OST4: variants seen among roughly 807,000 people sequenced by gnomAD.
OST4 encodes dolichyl-diphosphooligosaccharide--protein glycosyltransferase subunit 4.
OST4 carries 3 observed loss-of-function variants against 2.1 expected under a neutral mutation model. The observed-to-expected ratio is 1.42, with a 90% CI of 0.65 to 3.67. OST4 has a LOEUF of 3.67. OST4 is among the 30% of genes most tolerant of loss of function. The pLI is 0.03. For synonymous variants in OST4, 23 were observed against 21.6 expected, an observed-to-expected ratio of 1.06 and a Z score of -0.18; for missense variants, 52 against 47.1, an observed-to-expected ratio of 1.10 and a Z score of -0.30.
At position 27,070,509 on chromosome 2, in the gene OST4, G is replaced by C. The variant is rs991361680; in HGVS notation, c.*236C>G. Reference sequence around the variant, plus strand: ...AAAAAAAAGTCTATATTTTTATATTGGGGGGAGGGAGTAGAAAAGCAAGCC... The same window carrying C: ...AAAAAAAAGTCTATATTTTTATATTCGGGGGAGGGAGTAGAAAAGCAAGCC... On this transcript the variant is annotated 3_prime_UTR_variant, in exon 3 of 3. Transcript: ENST00000456793. 1.4e-5 allele frequency: 7 copies of C among 483,452 alleles called. No individual in the cohort carries two copies. Among genetic ancestry groups the C allele is most frequent in the African/African-American group, 9.6e-5 (5 of 52,130 alleles). The allele number at this position is 483,452 out of a possible 1,614,324, so 29.9% of individuals were successfully genotyped here. A position where few individuals can be genotyped will look rare whatever the true frequency, so the allele number is the denominator to read the frequency against.
At chr2:27,071,208 C>G in intron 2 of OST4, 118 bp downstream of exon 2, 2 of 663,250 alleles carry the variant, frequency 3.0e-6, no homozygotes, top group Non-Finnish European at 5.3e-6. Context: ...GGGCCCAGTT[C>G]TGGACTGTAT....
intron 1 of OST4, 55 bp downstream of exon 1, chr2:27,071,546 A>C: frequency 1.7e-5 from 16 of 954,588 alleles, no homozygotes; most frequent in Middle Eastern, 3.4e-4. Context: ...CGGGCCAGCC[A>C]CGGCCACGGC....
In OST4 at chr2:27,071,326, C is replaced by A; in HGVS notation, c.*23G>T. 6.5e-7 allele frequency: 1 copy of A among 1,541,744 alleles called. No homozygotes were observed. The highest frequency in any genetic ancestry group is 1.2e-5 in the South Asian group (1 of 83,856). On this transcript the variant is annotated splice_region_variant and 3_prime_UTR_variant, in exon 2 of 3. Transcript: ENST00000456793. ...GGGCGCTACAGCCCCGGGCCGTTAC[C>A]TGGGGCGGAGAAAGCGCCACTTTCA...
rs188799762 is a variant in OST4 at position 27,071,228 on chromosome 2, C to A, written c.*23+98G>T. 6 of 741,370 alleles carry A rather than the reference C, an allele frequency of 8.1e-6. No homozygotes were observed. In the African/African-American group the frequency reaches 8.7e-5, roughly 11 times the overall value. 45.9% of individuals were successfully genotyped at this position (741,370 alleles called of 1,614,324 possible). A position where few individuals can be genotyped will look rare whatever the true frequency, so the allele number is the denominator to read the frequency against. On this transcript the variant is annotated intron_variant, in intron 2 of 2. Coordinates refer to ENST00000456793, the MANE Select transcript of OST4 (RefSeq NM_001134693.2). ...CAGTTCTGGACTGTATCATGCTTGG[C>A]CCGACACTTTCTGATTGTAAGTTTC...
In OST4 at chr2:27,071,648, G is replaced by C; in HGVS notation, c.-49C>G. On this transcript the variant is annotated 5_prime_UTR_variant, in exon 1 of 3. Transcript: ENST00000456793. ...GACGCCACCAGCGAACAAGCCCGAAGTCAGAGACCTGGACCGGAACTTCGT... is the reference window on the plus strand; with the variant it reads ...GACGCCACCAGCGAACAAGCCCGAACTCAGAGACCTGGACCGGAACTTCGT... 1 of 509,482 alleles carries C rather than the reference G, an allele frequency of 2.0e-6. No homozygotes were observed. The highest frequency in any genetic ancestry group is 3.5e-6 in the Non-Finnish European group (1 of 289,538). 31.6% of individuals were successfully genotyped at this position (509,482 alleles called of 1,614,324 possible).
chr2:27,070,940 C>T (rs1315248370), intron 2 of OST4, among the ~76,000 whole-genome samples: 1 of 152,078 alleles, frequency 6.6e-6, no homozygotes, highest in Non-Finnish European at 1.5e-5. Flanking sequence ...ACCCCCCTCA[C>T]CAAAAAAAAT....
chr2:27,070,554 A>C lies in OST4; in HGVS notation c.*191T>G. On this transcript the variant is annotated 3_prime_UTR_variant, in exon 3 of 3. Transcript: ENST00000456793. ...CAAGCCCCTATACTGGGCCCTATTC[A>C]GTGGCAGCTTCTTGTTCCATAGGAT... The C allele has an allele frequency of 3.0e-6, 1 of 338,950 alleles. No individual in the cohort carries two copies. Among genetic ancestry groups the C allele is most frequent in the Non-Finnish European group, 5.4e-6 (1 of 184,258 alleles). The allele number at this position is 338,950 out of a possible 1,614,324, so 21.0% of individuals were successfully genotyped here.
chr2:27,071,199 G>A (rs916631920), intron 2 of OST4, 127 bp downstream of exon 2: 25 of 622,070 alleles, frequency 4.0e-5, no homozygotes, highest in Non-Finnish European at 7.1e-5. Flanking sequence ...CAGACAAAGG[G>A]GCCCAGTTCT....
chr2:27,071,522 C>T (rs1669271454), intron 1 of OST4, 59 bp from the exon 2 acceptor site: 2 of 1,408,994 alleles, frequency 1.4e-6, no homozygotes, highest in East Asian at 2.5e-5. Context: ...TCGCAAGAAC[C>T]CGTCCTCGCC....
At position 27,071,434 on chromosome 2, in the gene OST4, A is replaced by T; in HGVS notation, c.29T>A (p.Phe10Tyr). 1.3e-6 allele frequency: 2 copies of T among 1,551,668 alleles called. No homozygotes were observed. Among genetic ancestry groups the T allele is most frequent in the African/African-American group, 2.7e-5 (2 of 73,182 alleles). ...GAGCGACACGCCCAGCATGTTGGCGAAGATGGCGAGCTGCACGTCCGTGAT... is the reference window on the plus strand; with the variant it reads ...GAGCGACACGCCCAGCATGTTGGCGTAGATGGCGAGCTGCACGTCCGTGAT... MITDVQLAIFANMLGVSLFL... is the reference protein window; with the variant it reads MITDVQLAIYANMLGVSLFL... The change falls in exon 2 of 3, where the codon TTC becomes TAC. Residue 10 changes from phenylalanine (F) to tyrosine (Y), a missense_variant. Physicochemically the swap from Phe to Tyr is conservative, Grantham distance 22. Transcript: ENST00000456793.
intron 2 of OST4, among the ~76,000 whole-genome samples, 183 bp downstream of exon 2, chr2:27,071,143 G>A (rs967401399): frequency 6.6e-6 from 1 of 152,204 alleles, no homozygotes; most frequent in African/African-American, 2.4e-5. Flanking sequence ...TTCTAGCAGG[G>A]AACAGGTTAC....
rs1669265951 is a variant in OST4 at position 27,071,342 on chromosome 2, G to T, written c.*7C>A. On this transcript the variant is annotated 3_prime_UTR_variant, in exon 2 of 3. Coordinates refer to ENST00000456793, the MANE Select transcript of OST4 (RefSeq NM_001134693.2). The stretch of plus-strand genomic sequence containing the variant: ...GGCCGTTACCTGGGGCGGAGAAAGC[G>T]CCACTTTCATTCCTGCTTCTTGGGA... The T allele has an allele frequency of 1.3e-6, 2 of 1,549,644 alleles. No homozygotes were observed. The highest frequency in any genetic ancestry group is 1.7e-6 in the Non-Finnish European group (2 of 1,145,166).
chr2:27,071,614 C>A lies in OST4; in HGVS notation c.-15G>T, dbSNP rs1364521994. On this transcript the variant is annotated 5_prime_UTR_variant, in exon 1 of 3. Coordinates refer to ENST00000456793, the MANE Select transcript of OST4 (RefSeq NM_001134693.2). ...CGTGCCTCTGACCTGACCAGTCCGG[C>A]TCGGCTCCGACGCCACCAGCGAACA... is the stretch of plus-strand genomic sequence containing the variant. 1.8e-6 allele frequency: 1 copy of A among 556,576 alleles called. No individual in the cohort carries two copies. The highest frequency in any genetic ancestry group is 3.1e-5 in the East Asian group (1 of 32,682). 34.5% of individuals were successfully genotyped at this position (556,576 alleles called of 1,614,324 possible).
intron 2 of OST4, 68 bp downstream of exon 2, chr2:27,071,258 C>T: frequency 2.1e-6 from 2 of 973,818 alleles, no homozygotes; most frequent in Non-Finnish European, 3.2e-6. Flanking sequence ...AGTTTCGAAC[C>T]CTGCTAGCCC....
intron 1 of OST4, 23 bp from the exon 2 acceptor site, chr2:27,071,486 G>C: frequency 6.5e-7 from 1 of 1,535,458 alleles, no homozygotes; most frequent in Non-Finnish European, 8.8e-7. Flanking sequence ...GAGGGGCTGA[G>C]CTGCGGGCTG....
chr2:27,071,237 T>G, intron 2 of OST4, 89 bp downstream of exon 2: 1 of 792,504 alleles, frequency 1.3e-6, no homozygotes, highest in Non-Finnish European at 2.1e-6. Flanking sequence ...GCCCGACACT[T>G]TCTGATTGTA....
At chr2:27,071,520 AC>A in intron 1 of OST4, 57 bp from the exon 2 acceptor site, 1 of 1,374,202 alleles carries the variant, frequency 7.3e-7, no homozygotes, top group Non-Finnish European at 9.9e-7. Flanking sequence ...CCTCGCAAGA[AC>A]CCGTCCTCGC....
Position 27,071,419 on chromosome 2 carries a change from C to G in OST4, c.44G>C (p.Gly15Ala). Reference sequence around the variant, plus strand: ...AACGACAAGCAAGAAGAGCGACACGCCCAGCATGTTGGCGAAGATGGCGAG... The same window carrying G: ...AACGACAAGCAAGAAGAGCGACACGGCCAGCATGTTGGCGAAGATGGCGAG... ...VQLAIFANML[G>A]VSLFLLVVLY... Residue 15 changes from glycine (G) to alanine (A), a missense_variant, in exon 2 of 3, where the codon GGC (glycine) becomes GCC (alanine). Gly to Ala is a moderately conservative substitution (Grantham distance 60, BLOSUM62 0). Coordinates refer to ENST00000456793, the MANE Select transcript of OST4 (RefSeq NM_001134693.2). 1 of 1,551,704 alleles carries G rather than the reference C, an allele frequency of 6.4e-7. No individual in the cohort carries two copies. Among genetic ancestry groups the G allele is most frequent in the Non-Finnish European group, 8.7e-7 (1 of 1,146,968 alleles).
At position 27,070,533 on chromosome 2, in the gene OST4, C is replaced by T. The variant is rs1669239017; in HGVS notation, c.*212G>A. 1.4e-5 allele frequency: 6 copies of T among 434,816 alleles called. No homozygotes were observed. The South Asian group carries it at 2.2e-4, about 16-fold the overall frequency. 26.9% of individuals were successfully genotyped at this position (434,816 alleles called of 1,614,324 possible). A position where few individuals can be genotyped will look rare whatever the true frequency, so the allele number is the denominator to read the frequency against. On this transcript the variant is annotated 3_prime_UTR_variant, in exon 3 of 3. Transcript: ENST00000456793. ...TGGGGGGAGGGAGTAGAAAAGCAAGCCCCTATACTGGGCCCTATTCAGTGG... is the reference window on the plus strand; with the variant it reads ...TGGGGGGAGGGAGTAGAAAAGCAAGTCCCTATACTGGGCCCTATTCAGTGG...
Sources: allele counts gnomAD v4.1 joint callset (sites outside exome capture counted in the v4.1 genomes callset), GRCh38; gene constraint gnomAD v4.1.1; transcripts MANE v1.5; gene names NCBI Gene and HGNC (gene_info 2026-07-23, HGNC 2026-07-21).